The following ZNF385D variants were observed in gnomAD, a reference collection of about 807,000 sequenced individuals.
The protein encoded by ZNF385D is zinc finger protein 385D, also known as zinc finger protein 659.
ZNF385D carries 15 observed loss-of-function variants against 35.8 expected under a neutral mutation model. The ratio of observed to expected loss-of-function variants is 0.42; its 90% CI spans 0.28 to 0.64. ZNF385D has a LOEUF of 0.64. ZNF385D is among the 30% of genes least tolerant of loss of function. ZNF385D has a pLI of 0.23. For synonymous variants in ZNF385D, 212 were observed against 186.8 expected (o/e 1.13, Z -1.10); for missense variants, 474 against 494.6 (o/e 0.96, Z 0.39).
chr3:21,791,551 G>A (rs17009597), intron 3 of ZNF385D, among the ~76,000 whole-genome samples: 11,078 of 152,216 alleles, frequency 0.073, 621 homozygotes, highest in East Asian at 0.3. Flanking sequence ...ACAAAAGTCT[G>A]AAATTCTGCC....
At chr3:22,079,879 T>C (rs1292601914) in intron 3 of ZNF385D, among the ~76,000 whole-genome samples, 1 of 151,922 alleles carries the variant, frequency 6.6e-6, no homozygotes, top group Non-Finnish European at 1.5e-5. Context: ...TTTAGGTCCT[T>C]AGAGATTCAA....
At chr3:22,349,359 C>T (rs900133859) in intron 2 of ZNF385D, among the ~76,000 whole-genome samples, 2 of 152,094 alleles carry the variant, frequency 1.3e-5, no homozygotes, top group Admixed American at 6.6e-5. Flanking sequence ...AGGGGACTTG[C>T]GTAGGAAAAA....
intron 3 of ZNF385D, among the ~76,000 whole-genome samples, chr3:21,521,316 T>C (rs1285941107): frequency 6.6e-6 from 1 of 152,068 alleles, no homozygotes; most frequent in African/African-American, 2.4e-5. Flanking sequence ...TTTGGTGGAG[T>C]CTACCCATAT....
intron 3 of ZNF385D, among the ~76,000 whole-genome samples, chr3:21,922,493 C>T (rs1684476): frequency 0.92 from 139,462 of 152,220 alleles, 63,988 homozygotes; most frequent in East Asian, 0.98. Context: ...CACACACGTA[C>T]AGCCATCTGA....
intron 4 of ZNF385D, among the ~76,000 whole-genome samples, chr3:21,490,365 A>T (rs1705339061): frequency 6.6e-6 from 1 of 152,106 alleles, no homozygotes; most frequent in Non-Finnish European, 1.5e-5. Context: ...CAATCCAAAA[A>T]AAAATTTTCA....
At chr3:21,704,859 A>G (rs1337868774) in intron 1 of ZNF385D, among the ~76,000 whole-genome samples, 20 of 152,212 alleles carry the variant, frequency 1.3e-4, no homozygotes. Context: ...ATAGTGCTAG[A>G]AAAAGTAGAT....
chr3:21,547,114 C>T (rs560970014), intron 3 of ZNF385D, among the ~76,000 whole-genome samples: 22 of 152,222 alleles, frequency 1.4e-4, no homozygotes, highest in African/African-American at 5.1e-4. Flanking sequence ...CCTTTCTCCT[C>T]GGATCCTCTC....
chr3:22,124,690 T>C (rs1703324627), intron 3 of ZNF385D, among the ~76,000 whole-genome samples: 3 of 152,202 alleles, frequency 2.0e-5, no homozygotes, highest in Admixed American at 1.3e-4. Flanking sequence ...CATATTTTCA[T>C]ATATTTGTTT....
chr3:22,068,914 A>G (rs1190111638), intron 3 of ZNF385D, among the ~76,000 whole-genome samples: 1 of 152,208 alleles, frequency 6.6e-6, no homozygotes, highest in African/African-American at 2.4e-5. Context: ...AATATGGAGG[A>G]AGGTGTCTCA....
intron 3 of ZNF385D, among the ~76,000 whole-genome samples, chr3:21,780,161 A>T (rs1276382277): frequency 6.6e-6 from 1 of 152,026 alleles, no homozygotes; most frequent in Non-Finnish European, 1.5e-5. Flanking sequence ...GAATATCAAC[A>T]AACCCTTACA....
chr3:22,282,133 C>T (rs986868385), intron 2 of ZNF385D, among the ~76,000 whole-genome samples: 2 of 151,916 alleles, frequency 1.3e-5, no homozygotes, highest in African/African-American at 4.8e-5. Flanking sequence ...TGGATCTTCC[C>T]TCCTCTTTTC....
intron 1 of ZNF385D, among the ~76,000 whole-genome samples, chr3:21,719,932 G>A (rs1011158941): frequency 9.9e-5 from 15 of 152,184 alleles, no homozygotes; most frequent in African/African-American, 2.7e-4. Flanking sequence ...ATAACTAGCT[G>A]TATGACCTCA....
intron 3 of ZNF385D, among the ~76,000 whole-genome samples, chr3:21,759,273 G>C (rs2070494172): frequency 6.6e-6 from 1 of 152,014 alleles, no homozygotes; most frequent in East Asian, 1.9e-4. Flanking sequence ...TATTGACCCG[G>C]ACTGATATAA....
intron 1 of ZNF385D, among the ~76,000 whole-genome samples, chr3:21,681,721 A>G (rs2066917441): frequency 6.6e-6 from 1 of 151,884 alleles, no homozygotes; most frequent in Non-Finnish European, 1.5e-5. Flanking sequence ...CAAACAAAAA[A>G]GGAAATAAAA....
intron 2 of ZNF385D, among the ~76,000 whole-genome samples, chr3:21,600,814 TAAATATG>T (rs1477253485): frequency 1.3e-5 from 2 of 151,950 alleles, no homozygotes; most frequent in Non-Finnish European, 2.9e-5. Flanking sequence ...TGAGAAATTA[TAAATATG>T]AGAGTATATA....
chr3:22,107,631 T>C (rs1702296872), intron 3 of ZNF385D, among the ~76,000 whole-genome samples: 1 of 152,050 alleles, frequency 6.6e-6, no homozygotes, highest in African/African-American at 2.4e-5. Flanking sequence ...TGCAGGAAAA[T>C]ATACAAAAAT....
At chr3:21,957,282 T>C (rs1232336922) in intron 3 of ZNF385D, 2 of 152,932 alleles carry the variant, frequency 1.3e-5, no homozygotes, top group Admixed American at 1.3e-4. Flanking sequence ...ATATAGTAAA[T>C]TGGTACCGGG....
At chr3:21,986,684 C>T (rs1242472561) in intron 3 of ZNF385D, among the ~76,000 whole-genome samples, 9 of 140,000 alleles carry the variant, frequency 6.4e-5, no homozygotes, top group African/African-American at 2.1e-4. Flanking sequence ...TCTATTAGGT[C>T]CGCTTGGTGC....
At chr3:21,951,742 C>T (rs1017331735) in intron 3 of ZNF385D, among the ~76,000 whole-genome samples, 10 of 151,526 alleles carry the variant, frequency 6.6e-5, no homozygotes, top group Non-Finnish European at 1.3e-4. Context: ...CTGAAATAAA[C>T]CCTTCAACTT....
Sources: allele counts gnomAD v4.1 joint callset (sites outside exome capture counted in the v4.1 genomes callset), GRCh38; gene constraint gnomAD v4.1.1; transcripts MANE v1.5; gene names NCBI Gene and HGNC (gene_info 2026-07-23, HGNC 2026-07-21).